LUZP2: variants seen among roughly 807,000 people sequenced by gnomAD.
The protein encoded by LUZP2 is leucine zipper protein 2.
LUZP2 carries 52 observed loss-of-function variants against 51.6 expected under a neutral mutation model. The observed-to-expected ratio is 1.01, with a 90% CI of 0.81 to 1.27. LUZP2 has a LOEUF of 1.27. Ranked by LOEUF, LUZP2 falls within the 50% of genes most tolerant of loss-of-function variation. LUZP2 has a pLI of 0.00. For synonymous variants in LUZP2, 154 were observed against 137.3 expected (o/e 1.12, Z -0.85); for missense variants, 436 against 395.4 (o/e 1.10, Z -0.87).
intron 9 of LUZP2, among the ~76,000 whole-genome samples, chr11:24,998,465 G>T (rs1156762813): frequency 1.3e-5 from 2 of 152,148 alleles, no homozygotes; most frequent in Non-Finnish European, 2.9e-5. Flanking sequence ...TTTGTACATT[G>T]ATTTTGTATC....
At chr11:24,988,899 ATTGTG>A (rs1191698075) in intron 9 of LUZP2, among the ~76,000 whole-genome samples, 1 of 151,858 alleles carries the variant, frequency 6.6e-6, no homozygotes, top group Non-Finnish European at 1.5e-5. Context: ...GGATTTTTGT[ATTGTG>A]TTGTGTCCTC....
intron 1 of LUZP2, among the ~76,000 whole-genome samples, chr11:24,679,109 G>A (rs10834426): frequency 0.19 from 28,180 of 152,148 alleles, 2,708 homozygotes; most frequent in East Asian, 0.32. Flanking sequence ...AGTAAAATAT[G>A]TGTAGAAAGA....
chr11:24,939,699 A>T (rs1401001230), intron 7 of LUZP2, among the ~76,000 whole-genome samples: 1 of 152,180 alleles, frequency 6.6e-6, no homozygotes, highest in African/African-American at 2.4e-5. Context: ...AATATGTGGT[A>T]TATATGGAGA....
chr11:24,625,879 A>G (rs1854662849), intron 1 of LUZP2, among the ~76,000 whole-genome samples: 1 of 151,772 alleles, frequency 6.6e-6, no homozygotes, highest in Non-Finnish European at 1.5e-5. Flanking sequence ...TGTGGTGACC[A>G]ACAGGAGTAC....
At chr11:24,720,701 G>C (rs1039400257) in intron 1 of LUZP2, among the ~76,000 whole-genome samples, 1 of 151,880 alleles carries the variant, frequency 6.6e-6, no homozygotes, top group Non-Finnish European at 1.5e-5. Flanking sequence ...TTGTTTGTTT[G>C]TTTTGTTTTG....
chr11:24,914,324 C>T, intron 6 of LUZP2, 152 bp from the exon 7 acceptor site: 5 of 569,722 alleles, frequency 8.8e-6, no homozygotes, highest in Admixed American at 7.6e-5. Flanking sequence ...ACTCTCAAAG[C>T]AGAGCTAAGG....
intron 1 of LUZP2, among the ~76,000 whole-genome samples, chr11:24,592,404 G>A (rs957264056): frequency 6.6e-6 from 1 of 152,098 alleles, no homozygotes; most frequent in African/African-American, 2.4e-5. Flanking sequence ...TTATGTAATT[G>A]TTTATTTAAA....
intron 7 of LUZP2, among the ~76,000 whole-genome samples, chr11:24,920,641 G>A (rs1362064965): frequency 6.6e-6 from 1 of 151,884 alleles, no homozygotes; most frequent in Non-Finnish European, 1.5e-5. Flanking sequence ...AGCAATACAG[G>A]TGAAACTGGA....
intron 1 of LUZP2, among the ~76,000 whole-genome samples, chr11:24,526,898 A>G (rs2133814308): frequency 6.6e-6 from 1 of 151,304 alleles, no homozygotes; most frequent in Middle Eastern, 3.4e-3. Context: ...AAGAGTTCAT[A>G]CTCTCTGTTT....
chr11:25,070,813 G>GTGTA (rs1293518247), intron 10 of LUZP2, among the ~76,000 whole-genome samples: 4 of 146,442 alleles, frequency 2.7e-5, no homozygotes, highest in Non-Finnish European at 6.0e-5. Context: ...GTGTGTGTGT[G>GTGTA]TGTTACTGAA....
At chr11:24,920,439 G>C (rs944397048) in intron 7 of LUZP2, among the ~76,000 whole-genome samples, 2 of 151,780 alleles carry the variant, frequency 1.3e-5, no homozygotes, top group East Asian at 1.9e-4. Context: ...TCTCACTGTT[G>C]GGTATCTACT....
chr11:24,920,149 A>T (rs748900163), intron 7 of LUZP2, among the ~76,000 whole-genome samples: 6 of 151,940 alleles, frequency 3.9e-5, no homozygotes, highest in African/African-American at 1.4e-4. Context: ...AGTCACAAAA[A>T]ATTCAATCTA....
chr11:24,927,916 G>GCACTGCTT (rs1157968477), intron 7 of LUZP2, among the ~76,000 whole-genome samples: 5 of 151,858 alleles, frequency 3.3e-5, no homozygotes. Flanking sequence ...ATTTCTTTCA[G>GCACTGCTT]CACTGCTTTG....
At chr11:24,737,939 C>G (rs947618886) in intron 3 of LUZP2, among the ~76,000 whole-genome samples, 3 of 152,012 alleles carry the variant, frequency 2.0e-5, no homozygotes, top group African/African-American at 4.8e-5. Flanking sequence ...TGATTTAACA[C>G]ATCATGTGCC....
intron 1 of LUZP2, among the ~76,000 whole-genome samples, chr11:24,582,708 G>A (rs1488811421): frequency 6.6e-6 from 1 of 151,986 alleles, no homozygotes; most frequent in African/African-American, 2.4e-5. Flanking sequence ...TCATCACATA[G>A]GTCTAGAAGA....
At chr11:24,740,117 G>A (rs1859080078) in intron 4 of LUZP2, among the ~76,000 whole-genome samples, 1 of 152,056 alleles carries the variant, frequency 6.6e-6, no homozygotes, top group African/African-American at 2.4e-5. Flanking sequence ...GAATAGAAGT[G>A]CTCACACAGA....
intron 9 of LUZP2, among the ~76,000 whole-genome samples, chr11:24,989,497 T>C (rs780096862): frequency 6.6e-6 from 1 of 152,078 alleles, no homozygotes; most frequent in Non-Finnish European, 1.5e-5. Context: ...ACTCACAGAA[T>C]AGCAAAACTC....
chr11:24,851,638 T>C (rs1031577225), intron 5 of LUZP2, among the ~76,000 whole-genome samples: 2 of 152,164 alleles, frequency 1.3e-5, no homozygotes, highest in Admixed American at 1.3e-4. Context: ...CATAAAATGA[T>C]TTAGGGAGTA....
intron 1 of LUZP2, among the ~76,000 whole-genome samples, chr11:24,498,338 T>C (rs2133741475): frequency 6.6e-6 from 1 of 152,302 alleles, no homozygotes; most frequent in African/African-American, 2.4e-5. Context: ...TTTCTAATTC[T>C]GAAATGGAAA....
Sources: gnomAD v4.1 joint callset for allele counts (sites outside exome capture counted in the v4.1 genomes callset) on GRCh38, gnomAD v4.1.1 for gene constraint, MANE v1.5 for transcripts, NCBI Gene and HGNC (gene_info 2026-07-23, HGNC 2026-07-21) for gene names.